The following PLD5 variants were observed in gnomAD, a reference collection of about 807,000 sequenced individuals.
PLD5 encodes the protein inactive phospholipase D5.
A neutral mutation model predicts 61.1 loss-of-function variants in PLD5; 36 were observed. That is an observed-to-expected ratio of 0.59 (90% CI 0.45 to 0.78). PLD5 has a LOEUF of 0.78. Ranked by LOEUF, PLD5 falls within the 30% of genes least tolerant of loss-of-function variation. The pLI, the probability that PLD5 is intolerant of heterozygous loss-of-function variation, is 0.00. For missense variants in PLD5, 515 were observed against 644.4 expected, an observed-to-expected ratio of 0.80 and a Z score of 2.17; for synonymous variants, 243 against 242.8, an observed-to-expected ratio of 1.00 and a Z score of -0.01.
chr1:242,288,142 G>A (rs1292051249), intron 3 of PLD5, among the ~76,000 whole-genome samples: 2 of 152,232 alleles, frequency 1.3e-5, no homozygotes, highest in Admixed American at 6.5e-5. Context: ...AGGCAAAGAT[G>A]AAACATAATT....
intron 1 of PLD5, among the ~76,000 whole-genome samples, chr1:242,501,791 TA>T (rs201459825): frequency 0.23 from 2,325 of 10,144 alleles, 37 homozygotes; most frequent in Non-Finnish European, 0.27. Flanking sequence ...AATATTCCAT[TA>T]TATATATATA....
Position 242,318,935 on chromosome 1 carries a change from T to G in PLD5, c.326+29171A>C, listed in dbSNP as rs552932162. On this transcript the variant is annotated intron_variant, in intron 2 of 9. Coordinates refer to ENST00000536534, the MANE Select transcript of PLD5 (RefSeq NM_001372062.1). ...CTAAATCATGAAATTACACCTAGTGTTGGGATGTTCTGGGGAAAGGGGTGG... is the reference window on the plus strand; with the variant it reads ...CTAAATCATGAAATTACACCTAGTGGTGGGATGTTCTGGGGAAAGGGGTGG... Among the ~76,000 whole-genome samples, 14 of 152,186 alleles carry G rather than the reference T, an allele frequency of 9.2e-5. 1 individual carries two copies. The South Asian group carries it at 2.1e-3, about 23-fold the overall frequency.
intron 1 of PLD5, among the ~76,000 whole-genome samples, chr1:242,382,822 T>C (rs1173920653): frequency 4.0e-5 from 6 of 148,660 alleles, no homozygotes; most frequent in Admixed American, 2.0e-4. Context: ...GCTTTAATTA[T>C]ATATGTTTCA....
rs189568675 is a variant in PLD5 at position 242,331,117 on chromosome 1, C to G, written c.326+16989G>C. Among the ~76,000 whole-genome samples the G allele has an allele frequency of 6.6e-5, 10 of 152,290 alleles. No homozygotes were observed. The East Asian group carries it at 1.5e-3, about 24-fold the overall frequency. On this transcript the variant is annotated intron_variant, in intron 2 of 9. Transcript: ENST00000536534. ...TTTGTTCAATATTACTGACTCAGCA[C>G]TTGAGCACATGACATACACTGGCAC...
chr1:242,528,074 T>G (rs1267296089), upstream of PLD5, among the ~76,000 whole-genome samples: 1 of 152,252 alleles, frequency 6.6e-6, no homozygotes, highest in East Asian at 1.9e-4. Context: ...TGCTAACACT[T>G]GGCAACATGT....
intron 1 of PLD5, among the ~76,000 whole-genome samples, chr1:242,451,609 G>A (rs10159336): frequency 0.028 from 4,181 of 151,768 alleles, 204 homozygotes; most frequent in African/African-American, 0.092. Flanking sequence ...ACAGGTGCAC[G>A]CTGCCATGCC....
chr1:242,177,567 A>C (rs1667245493), intron 5 of PLD5, among the ~76,000 whole-genome samples: 1 of 152,182 alleles, frequency 6.6e-6, no homozygotes, highest in African/African-American at 2.4e-5. Context: ...AAAAATAAAA[A>C]AAATTTGCAC....
intron 1 of PLD5, among the ~76,000 whole-genome samples, chr1:242,406,086 C>T (rs73130384): frequency 0.029 from 4,397 of 152,176 alleles, 211 homozygotes; most frequent in African/African-American, 0.097. Flanking sequence ...ACAGCCCTAC[C>T]ATGAGTTGCA....
intron 2 of PLD5, among the ~76,000 whole-genome samples, chr1:242,291,055 T>C (rs974620030): frequency 1.8e-4 from 28 of 152,162 alleles, no homozygotes; most frequent in African/African-American, 6.8e-4. Context: ...CAAATGCCCT[T>C]TGTGAATTCC....
At chr1:242,504,409 C>T (rs1668656173) in intron 1 of PLD5, among the ~76,000 whole-genome samples, 1 of 152,194 alleles carries the variant, frequency 6.6e-6, no homozygotes, top group Non-Finnish European at 1.5e-5. Flanking sequence ...CATGAGATTT[C>T]AACCTCTAGG....
At chr1:242,207,880 A>T (rs1225306405) in intron 5 of PLD5, among the ~76,000 whole-genome samples, 10 of 15,834 alleles carry the variant, frequency 6.3e-4, no homozygotes, top group Admixed American at 1.2e-3. Flanking sequence ...ATATATATTT[A>T]TATATTTATA....
intron 2 of PLD5, chr1:242,345,644 C>T: frequency 2.2e-6 from 2 of 907,798 alleles, no homozygotes; most frequent in South Asian, 2.6e-5. Context: ...AGGATTCTGT[C>T]AACCTTGATA....
At chr1:242,408,542 GCT>G (rs1297550067) in intron 1 of PLD5, among the ~76,000 whole-genome samples, 1 of 152,020 alleles carries the variant, frequency 6.6e-6, no homozygotes, top group Non-Finnish European at 1.5e-5. Flanking sequence ...TCCCCTCATT[GCT>G]CTCTCGTTCC....
chr1:242,355,571 A>AT (rs1398988603), intron 1 of PLD5, among the ~76,000 whole-genome samples: 1 of 151,074 alleles, frequency 6.6e-6, no homozygotes, highest in Non-Finnish European at 1.5e-5. Context: ...AGTTTTATTG[A>AT]TTTTTTAAAT....
At chr1:242,257,084 C>CTATCTATCTATCT (rs60806940) in intron 4 of PLD5, among the ~76,000 whole-genome samples, 41 of 149,250 alleles carry the variant, frequency 2.7e-4, no homozygotes, top group African/African-American at 1.0e-3. Context: ...ATCTATCTAT[C>CTATCTATCTATCT]ATTTATCTAT....
rs767887080 is a variant in PLD5, at chr1:242,083,014, A to T, written c.*6840T>A. 6.6e-6 allele frequency: 1 copy of T among 152,074 alleles called. No individual in the cohort carries two copies. The highest frequency in any genetic ancestry group is 2.4e-5 in the African/African-American group (1 of 41,414). 9.4% of individuals were successfully genotyped at this position (152,074 alleles called of 1,614,324 possible). On this transcript the variant is annotated 3_prime_UTR_variant, in exon 10 of 10. Coordinates refer to ENST00000536534, the MANE Select transcript of PLD5 (RefSeq NM_001372062.1). Reference sequence around the variant, plus strand: ...AGTTAATGTGAGTTTATTTATGTCAATACATAAGAAAGGAAGAAAAAAAAA... The same window carrying T: ...AGTTAATGTGAGTTTATTTATGTCATTACATAAGAAAGGAAGAAAAAAAAA...
At chr1:242,520,225 C>T (rs1669236303) in intron 1 of PLD5, among the ~76,000 whole-genome samples, 1 of 152,170 alleles carries the variant, frequency 6.6e-6, no homozygotes, top group African/African-American at 2.4e-5. Flanking sequence ...TTGGCAGCCA[C>T]AAAAACAATA....
chr1:242,171,850 C>T (rs1235443247), intron 5 of PLD5, among the ~76,000 whole-genome samples: 3 of 152,154 alleles, frequency 2.0e-5, no homozygotes, highest in African/African-American at 4.8e-5. Context: ...AGCTTATCAT[C>T]ATAAATATAT....
chr1:242,197,060 C>G (rs966290100), intron 5 of PLD5, among the ~76,000 whole-genome samples: 2 of 152,084 alleles, frequency 1.3e-5, no homozygotes, highest in African/African-American at 2.4e-5. Flanking sequence ...GGCATGCGGG[C>G]TGATGCTCAC....
Sources: allele counts gnomAD v4.1 joint callset (sites outside exome capture counted in the v4.1 genomes callset), GRCh38; gene constraint gnomAD v4.1.1; transcripts MANE v1.5; gene names NCBI Gene and HGNC (gene_info 2026-07-23, HGNC 2026-07-21).